Variants in SLC35D4 observed in about 807,000 individuals in gnomAD.
The protein encoded by SLC35D4 is solute carrier family 35 member D4, also known as UDP-N-acetylglucosamine transporter SLC35D4.
the SLC35D4 span, among the ~76,000 whole-genome samples, chr18:23,358,218 C>G: frequency 6.6e-6 from 1 of 152,150 alleles, no homozygotes; most frequent in Admixed American, 6.5e-5. Context: ...GGAACTGCAG[C>G]GCAGCCAATG....
At chr18:23,254,067 T>G in the SLC35D4 span, 1 of 729,360 alleles carries the variant, frequency 1.4e-6, no homozygotes, top group South Asian at 1.7e-5. Context: ...GTGAAGGCTA[T>G]GAAGTCTTTC....
At chr18:23,403,537 T>A in the SLC35D4 span, among the ~76,000 whole-genome samples, 1 of 152,166 alleles carries the variant, frequency 6.6e-6, no homozygotes, top group South Asian at 2.1e-4. Context: ...CAAGTGTAGC[T>A]TGAGAAGATG....
chr18:23,337,845 C>T, the SLC35D4 span, among the ~76,000 whole-genome samples: 3 of 152,166 alleles, frequency 2.0e-5, no homozygotes, highest in Non-Finnish European at 4.4e-5. Context: ...GGAAAAATAG[C>T]AGGAGAGATA....
the SLC35D4 span, among the ~76,000 whole-genome samples, chr18:23,328,761 C>A: frequency 1.2e-3 from 189 of 152,134 alleles, no homozygotes; most frequent in African/African-American, 4.4e-3. Context: ...AATCCTAAGC[C>A]AAAAGAACAA....
At chr18:23,338,962 A>G in the SLC35D4 span, among the ~76,000 whole-genome samples, 1 of 152,184 alleles carries the variant, frequency 6.6e-6, no homozygotes, top group East Asian at 1.9e-4. Flanking sequence ...AGCTCATTGC[A>G]GCCTCAAACT....
the SLC35D4 span, among the ~76,000 whole-genome samples, chr18:23,435,694 C>A: frequency 2.6e-5 from 4 of 152,222 alleles, no homozygotes; most frequent in African/African-American, 9.6e-5. Context: ...TTACAAACAT[C>A]ATTTCTTTTG....
At chr18:23,384,904 G>C in the SLC35D4 span, 1 of 1,197,816 alleles carries the variant, frequency 8.3e-7, no homozygotes, top group Non-Finnish European at 1.2e-6. Context: ...GGAAGAGGCA[G>C]ACACTAATTT....
At chr18:23,255,393 C>G in the SLC35D4 span, among the ~76,000 whole-genome samples, 1 of 152,002 alleles carries the variant, frequency 6.6e-6, no homozygotes, top group Non-Finnish European at 1.5e-5. Flanking sequence ...GTAGGTACTC[C>G]CCAATTGAAA....
At chr18:23,370,419 A>G in the SLC35D4 span, 1 of 654,332 alleles carries the variant, frequency 1.5e-6, no homozygotes, top group Non-Finnish European at 2.6e-6. Context: ...ACAGGAGAAG[A>G]CCATCAACAT....
chr18:23,263,704 A>G, the SLC35D4 span, among the ~76,000 whole-genome samples: 1 of 152,214 alleles, frequency 6.6e-6, no homozygotes, highest in South Asian at 2.1e-4. Context: ...GTGACTAGGA[A>G]ATGCAAATTT....
chr18:23,283,323 A>T, the SLC35D4 span, among the ~76,000 whole-genome samples: 1 of 151,670 alleles, frequency 6.6e-6, no homozygotes, highest in Non-Finnish European at 1.5e-5. Context: ...TACAAAAAAA[A>T]TACAAAAATT....
At chr18:23,352,186 T>C in the SLC35D4 span, 3 of 1,599,974 alleles carry the variant, frequency 1.9e-6, no homozygotes, top group African/African-American at 2.7e-5. Flanking sequence ...CCACCCCTCT[T>C]GTCTCTTACC....
At chr18:23,327,226 C>A in the SLC35D4 span, among the ~76,000 whole-genome samples, 3 of 151,884 alleles carry the variant, frequency 2.0e-5, no homozygotes, top group Admixed American at 6.6e-5. Context: ...GATAGAGACA[C>A]AAAAAACCCT....
At chr18:23,298,212 A>G in the SLC35D4 span, 1 of 918,640 alleles carries the variant, frequency 1.1e-6, no homozygotes, top group Admixed American at 2.1e-5. Flanking sequence ...TTCCAGGTCA[A>G]GCCCAGGAAT....
chr18:23,257,285 T>C, the SLC35D4 span: 3 of 1,613,748 alleles, frequency 1.9e-6, no homozygotes, highest in South Asian at 3.3e-5. Context: ...GAATTCCCGG[T>C]GTTAGTGGCC....
the SLC35D4 span, among the ~76,000 whole-genome samples, chr18:23,403,162 C>T: frequency 1.4e-3 from 215 of 152,280 alleles, no homozygotes; most frequent in African/African-American, 4.9e-3. Flanking sequence ...AATTAACCCA[C>T]TAATTATCTG....
At chr18:23,272,262 G>T in the SLC35D4 span, among the ~76,000 whole-genome samples, 1 of 152,216 alleles carries the variant, frequency 6.6e-6, no homozygotes, top group Admixed American at 6.5e-5. Flanking sequence ...GAGGCAACAG[G>T]TCCCTGTAGA....
At chr18:23,361,119 A>AG in the SLC35D4 span, among the ~76,000 whole-genome samples, 33 of 151,150 alleles carry the variant, frequency 2.2e-4, 1 homozygote, top group African/African-American at 7.5e-4. Context: ...AAAAAAAAAA[A>AG]AAAAAAGAAA....
chr18:23,257,064 C>A, the SLC35D4 span: 2 of 725,356 alleles, frequency 2.8e-6, no homozygotes, highest in African/African-American at 1.8e-5. Context: ...GGACCGAAGG[C>A]AGGAAGCACA....
Sources: gnomAD v4.1 joint callset for allele counts (sites outside exome capture counted in the v4.1 genomes callset) on GRCh38, gnomAD v4.1.1 for gene constraint, MANE v1.5 for transcripts, NCBI Gene and HGNC (gene_info 2026-07-23, HGNC 2026-07-21) for gene names.